Variants in UBP1 observed in about 807,000 individuals in gnomAD.
UBP1 encodes upstream-binding protein 1.
A neutral mutation model predicts 76.1 loss-of-function variants in UBP1; 22 were observed. The ratio of observed to expected loss-of-function variants is 0.29; its 90% CI spans 0.21 to 0.41. The LOEUF (loss-of-function observed/expected upper bound fraction) is 0.41. UBP1 is among the 10% of genes least tolerant of loss of function. UBP1 has a pLI of 1.00. For missense variants in UBP1, 436 were observed against 668.1 expected, an observed-to-expected ratio of 0.65 and a Z score of 3.83; for synonymous variants, 224 against 237.1, an observed-to-expected ratio of 0.94 and a Z score of 0.51.
At chr3:33,407,443 G>A (rs181683189) in intron 8 of UBP1, among the ~76,000 whole-genome samples, 85 of 152,106 alleles carry the variant, frequency 5.6e-4, no homozygotes, top group Non-Finnish European at 1.1e-3. Flanking sequence ...CCATTGGTGG[G>A]TCTTCAGCTG....
intron 3 of UBP1, 119 bp downstream of exon 3, chr3:33,416,639 G>C: frequency 1.4e-6 from 1 of 727,232 alleles, no homozygotes; most frequent in Non-Finnish European, 2.2e-6. Context: ...ACAAAATATA[G>C]CTCATAAAGT....
chr3:33,395,770 AAAAGAAAAAGG>A (rs1559666922), intron 13 of UBP1, among the ~76,000 whole-genome samples: 2 of 149,622 alleles, frequency 1.3e-5, no homozygotes, highest in Non-Finnish European at 3.0e-5. Flanking sequence ...AAAAAAAAAA[AAAAGAAAAAGG>A]AAAGAAAAAC....
At chr3:33,390,684 G>A (rs1461516354) in intron 15 of UBP1, 3 of 343,052 alleles carry the variant, frequency 8.7e-6, no homozygotes, top group Non-Finnish European at 1.6e-5. Context: ...AGGGGAGCAA[G>A]AGCTAGAAGG....
intron 14 of UBP1, 83 bp from the exon 15 acceptor site, chr3:33,392,697 TC>T: frequency 7.4e-7 from 1 of 1,344,916 alleles, no homozygotes; most frequent in Non-Finnish European, 1.0e-6. Context: ...TAAATATTCT[TC>T]TCAAACAAAC....
At chr3:33,415,037 T>C (rs1294407901) in intron 3 of UBP1, among the ~76,000 whole-genome samples, 1 of 152,238 alleles carries the variant, frequency 6.6e-6, no homozygotes, top group East Asian at 1.9e-4. Flanking sequence ...TAAATGTTTT[T>C]ACATGTTTTA....
chr3:33,395,849 C>CAAAAAA (rs1185296193), intron 13 of UBP1, among the ~76,000 whole-genome samples: 1 of 105,878 alleles, frequency 9.4e-6, no homozygotes, highest in Non-Finnish European at 2.1e-5. Flanking sequence ...TAAATCTGAC[C>CAAAAAA]AAAAAAAAAA....
intron 1 of UBP1, among the ~76,000 whole-genome samples, chr3:33,439,300 G>A (rs890807739): frequency 6.6e-6 from 1 of 152,210 alleles, no homozygotes; most frequent in African/African-American, 2.4e-5. Context: ...AGCCAGAAAA[G>A]ATCATAATGT....
At chr3:33,411,008 G>A (rs1464025679) in intron 5 of UBP1, among the ~76,000 whole-genome samples, 1 of 150,004 alleles carries the variant, frequency 6.7e-6, no homozygotes, top group African/African-American at 2.5e-5. Context: ...GGGAGGCGGA[G>A]ATTGCAGTGA....
intron 11 of UBP1, among the ~76,000 whole-genome samples, chr3:33,399,358 G>T (rs1465728679): frequency 6.6e-6 from 1 of 152,126 alleles, no homozygotes; most frequent in Non-Finnish European, 1.5e-5. Context: ...AGCAGTGCTT[G>T]ATACCTTTTA....
At chr3:33,415,439 G>T (rs530755686) in intron 3 of UBP1, among the ~76,000 whole-genome samples, 19 of 152,166 alleles carry the variant, frequency 1.2e-4, no homozygotes, top group African/African-American at 4.3e-4. Context: ...AAGCACAAGG[G>T]GAATAGATGA....
At position 33,422,269 on chromosome 3, in the gene UBP1, T is replaced by C. The variant is rs73051554; in HGVS notation, c.265+3321A>G. Among the ~76,000 whole-genome samples the C allele has an allele frequency of 3.2e-3, 480 of 152,040 alleles. 1 individual carries two copies. The highest frequency in any genetic ancestry group is 5.3e-3 in the Non-Finnish European group (359 of 67,970). ...TATGAATCCTCTCATTAGAAAAATA[T>C]ACCTTTAAGGACTACATCCCAGCTA... On this transcript the variant is annotated intron_variant, in intron 2 of 15. Transcript: ENST00000283629.
chr3:33,440,949 A>T (rs1003619861), upstream of UBP1: 3 of 152,292 alleles, frequency 2.0e-5, no homozygotes, highest in African/African-American at 7.2e-5. Flanking sequence ...CCAGTTGTGC[A>T]GAAAACCTTG....
At position 33,402,121 on chromosome 3, in the gene UBP1, TAAA is replaced by T. The variant is rs563377424; in HGVS notation, c.1031+677_1031+679del. On this transcript the variant is annotated intron_variant, in intron 9 of 15. Transcript: ENST00000283629. ...TTTTCCTCCCCAACAAGAAACTTCC[TAAA>T]AATAGGGAACTTCTGATGCTAACTA... is the stretch of plus-strand genomic sequence containing the variant. 5.4e-3 allele frequency among the ~76,000 whole-genome samples: 815 copies of T among 152,280 alleles called. 4 individuals carry two copies. Among genetic ancestry groups the T allele is most frequent in the Middle Eastern group, 6.8e-3 (2 of 294 alleles).
chr3:33,400,664 G>A (rs540971871), intron 10 of UBP1, among the ~76,000 whole-genome samples: 79 of 152,260 alleles, frequency 5.2e-4, no homozygotes, highest in African/African-American at 1.7e-3. Flanking sequence ...AACAGAGACC[G>A]GGAAGAATGG....
At chr3:33,398,803 T>G (rs1189086102) in intron 11 of UBP1, among the ~76,000 whole-genome samples, 1 of 152,212 alleles carries the variant, frequency 6.6e-6, no homozygotes, top group Non-Finnish European at 1.5e-5. Context: ...GTCGGCGCTT[T>G]TTCTATGTGC....
At chr3:33,435,073 C>A (rs544106981) in intron 1 of UBP1, among the ~76,000 whole-genome samples, 1 of 152,288 alleles carries the variant, frequency 6.6e-6, no homozygotes, top group South Asian at 2.1e-4. Context: ...CTACCTAGCC[C>A]TTTACAGAAA....
intron 2 of UBP1, among the ~76,000 whole-genome samples, chr3:33,425,239 C>G (rs576756400): frequency 6.6e-6 from 1 of 152,298 alleles, no homozygotes; most frequent in Non-Finnish European, 1.5e-5. Context: ...GCTTCATGTT[C>G]AAAATCCAGG....
intron 1 of UBP1, among the ~76,000 whole-genome samples, chr3:33,435,863 G>A (rs556118465): frequency 6.6e-6 from 1 of 152,138 alleles, no homozygotes; most frequent in Non-Finnish European, 1.5e-5. Flanking sequence ...ACAACATACA[G>A]TGTCTACTGA....
At chr3:33,413,329 G>A (rs938247147) in intron 3 of UBP1, among the ~76,000 whole-genome samples, 5 of 125,686 alleles carry the variant, frequency 4.0e-5, no homozygotes, top group East Asian at 3.2e-4. Flanking sequence ...GGAGGATCAC[G>A]AGGTCAGGGA....
Sources: allele counts gnomAD v4.1 joint callset (sites outside exome capture counted in the v4.1 genomes callset), GRCh38; gene constraint gnomAD v4.1.1; transcripts MANE v1.5; gene names NCBI Gene and HGNC (gene_info 2026-07-23, HGNC 2026-07-21).